The following CRTC3 variants were observed in gnomAD, a reference collection of about 807,000 sequenced individuals.
The protein encoded by CRTC3 is CREB regulated transcription coactivator 3.
CRTC3 carries 26 observed loss-of-function variants against 74.5 expected under a neutral mutation model. The observed-to-expected ratio is 0.35, with a 90% CI of 0.26 to 0.48. CRTC3 has a LOEUF of 0.48. Ranked by LOEUF, CRTC3 falls within the 20% of genes least tolerant of loss-of-function variation. The pLI, the probability that CRTC3 is intolerant of heterozygous loss-of-function variation, is 0.99. For missense variants in CRTC3, 760 were observed against 787.3 expected (o/e 0.97, Z 0.41); for synonymous variants, 377 against 325.8 (o/e 1.16, Z -1.69).
At chr15:90,640,710 A>T (rs1318956816) in intron 13 of CRTC3, among the ~76,000 whole-genome samples, 1 of 151,914 alleles carries the variant, frequency 6.6e-6, no homozygotes, top group Admixed American at 6.6e-5. Context: ...ACCAAGGAAG[A>T]AGAGTCCATA....
chr15:90,557,732 A>T (rs1966924142), intron 2 of CRTC3, among the ~76,000 whole-genome samples: 1 of 152,050 alleles, frequency 6.6e-6, no homozygotes, highest in Non-Finnish European at 1.5e-5. Flanking sequence ...ACCCATCTCT[A>T]GGACCCAGCC....
At chr15:90,588,453 C>T (rs181096911) in intron 2 of CRTC3, among the ~76,000 whole-genome samples, 119 of 151,652 alleles carry the variant, frequency 7.8e-4, no homozygotes, top group Admixed American at 1.6e-3. Context: ...TGTATCTTCT[C>T]CATCTGCAAC....
intron 11 of CRTC3, chr15:90,638,170 A>G: frequency 2.7e-6 from 1 of 370,004 alleles, no homozygotes; most frequent in Non-Finnish European, 4.7e-6. Context: ...CATGATTTTC[A>G]CGGAGAAAAC....
chr15:90,600,185 C>G (rs1418524665), intron 3 of CRTC3: 1 of 152,166 alleles, frequency 6.6e-6, no homozygotes, highest in Non-Finnish European at 1.5e-5. Flanking sequence ...GATAATGAGA[C>G]TTGTCAAAGA....
chr15:90,602,874 T>C (rs541459028), intron 4 of CRTC3, among the ~76,000 whole-genome samples: 24 of 151,824 alleles, frequency 1.6e-4, no homozygotes, highest in African/African-American at 5.6e-4. Context: ...CTTGGGAGGC[T>C]GAAGCAGGAG....
intron 2 of CRTC3, among the ~76,000 whole-genome samples, chr15:90,578,158 C>T (rs1014001668): frequency 1.3e-5 from 2 of 152,098 alleles, no homozygotes; most frequent in Admixed American, 6.5e-5. Context: ...CTCAGGTGAT[C>T]CACCTGCCTC....
Position 90,638,821 on chromosome 15 carries a change from TG to T in CRTC3, c.1548+7del, listed in dbSNP as rs1414651887. On this transcript the variant is annotated splice_region_variant and intron_variant, in intron 13 of 14. Transcript: ENST00000268184. Reference sequence around the variant, plus strand: ...GCCCTGCCTTTCCTCAACAGGTGGGTGATCGCCCCTGCCTTCTCCTCCCTTG... The same window carrying T: ...GCCCTGCCTTTCCTCAACAGGTGGGTATCGCCCCTGCCTTCTCCTCCCTTG... The T allele has an allele frequency of 6.2e-7, 1 of 1,611,548 alleles. No homozygotes were observed. Among genetic ancestry groups the T allele is most frequent in the Non-Finnish European group, 8.5e-7 (1 of 1,177,780 alleles).
At chr15:90,578,376 G>A (rs902232012) in intron 2 of CRTC3, among the ~76,000 whole-genome samples, 7 of 151,900 alleles carry the variant, frequency 4.6e-5, no homozygotes, top group African/African-American at 1.5e-4. Flanking sequence ...GCAAAACCCC[G>A]TCTCTACTAA....
intron 13 of CRTC3, among the ~76,000 whole-genome samples, chr15:90,639,322 G>GT (rs1429865730): frequency 3.3e-5 from 5 of 151,868 alleles, no homozygotes; most frequent in Admixed American, 3.3e-4. Context: ...TTACAGTTTA[G>GT]TTTTTTCCTA....
At chr15:90,532,634 G>GT (rs1473689502) in intron 1 of CRTC3, among the ~76,000 whole-genome samples, 1 of 152,176 alleles carries the variant, frequency 6.6e-6, no homozygotes, top group Non-Finnish European at 1.5e-5. Context: ...TCACCTAGGC[G>GT]TTACTTATCC....
intron 9 of CRTC3, 112 bp from the exon 10 acceptor site, chr15:90,625,664 C>T (rs573498222): frequency 2.2e-5 from 21 of 950,624 alleles, no homozygotes; most frequent in East Asian, 2.4e-5. Flanking sequence ...ACCAGGACCT[C>T]GGTCTTTTGT....
At position 90,612,026 on chromosome 15, in the gene CRTC3, ACTCCTC is replaced by A. The variant is rs59213374; in HGVS notation, c.578-2401_578-2396del. 7.3e-3 allele frequency among the ~76,000 whole-genome samples: 374 copies of A among 51,250 alleles called. 2 individuals carry two copies. The highest frequency in any genetic ancestry group is 0.026 in the African/African-American group (310 of 11,990). 33.6% of individuals were successfully genotyped at this position (51,250 alleles called of 152,430 possible). A position where few individuals can be genotyped will look rare whatever the true frequency, so the allele number is the denominator to read the frequency against. ...TCTTATCCTTCCCCAACCACCCCCCACTCCTCCTCCTCCTCCTCCTCCTCCTCCTCC... is the reference window on the plus strand; with the variant it reads ...TCTTATCCTTCCCCAACCACCCCCCACTCCTCCTCCTCCTCCTCCTCCTCC... On this transcript the variant is annotated intron_variant, in intron 6 of 14. Coordinates refer to ENST00000268184, the MANE Select transcript of CRTC3 (RefSeq NM_022769.5).
chr15:90,567,966 C>T (rs1325576337), intron 2 of CRTC3, among the ~76,000 whole-genome samples: 1 of 152,224 alleles, frequency 6.6e-6, no homozygotes, highest in African/African-American at 2.4e-5. Context: ...AAAGGGTTCA[C>T]TCTTTTAGAT....
At chr15:90,531,550 T>G (rs1254452246) in intron 1 of CRTC3, among the ~76,000 whole-genome samples, 3 of 152,138 alleles carry the variant, frequency 2.0e-5, no homozygotes, top group African/African-American at 7.2e-5. Context: ...AAAAAATATA[T>G]ATATAGAGAG....
chr15:90,644,451 C>G lies in CRTC3; in HGVS notation c.*2311C>G, dbSNP rs1969557683. ...ATATCCGGGTCCCAGTTCAGTTTGT[C>G]TGCACAGCAGCCACCCTGCCTGGCA... On this transcript the variant is annotated 3_prime_UTR_variant, in exon 15 of 15. Coordinates refer to ENST00000268184, the MANE Select transcript of CRTC3 (RefSeq NM_022769.5). 3 of 232,034 alleles carry G rather than the reference C, an allele frequency of 1.3e-5. No individual in the cohort carries two copies. In the Admixed American group the frequency reaches 1.7e-4, roughly 13 times the overall value. The allele number at this position is 232,034 out of a possible 1,614,324, so 14.4% of individuals were successfully genotyped here. A position where few individuals can be genotyped will look rare whatever the true frequency, so the allele number is the denominator to read the frequency against.
intron 2 of CRTC3, among the ~76,000 whole-genome samples, chr15:90,569,073 G>A (rs1419702219): frequency 6.6e-6 from 1 of 151,092 alleles, no homozygotes; most frequent in Non-Finnish European, 1.5e-5. Flanking sequence ...GCTCACTGTA[G>A]CCTTGAACTC....
At chr15:90,620,256 C>T (rs1341696482) in intron 9 of CRTC3, 1 of 154,484 alleles carries the variant, frequency 6.5e-6, no homozygotes, top group African/African-American at 2.4e-5. Flanking sequence ...CTGAACTGTA[C>T]ACACAGAAAT....
chr15:90,532,883 G>A (rs1353677749), intron 1 of CRTC3, among the ~76,000 whole-genome samples: 1 of 151,102 alleles, frequency 6.6e-6, no homozygotes, highest in Non-Finnish European at 1.5e-5. Context: ...TCAAGAGATC[G>A]AGACCATCCT....
chr15:90,554,450 G>A (rs1175583635), intron 2 of CRTC3, among the ~76,000 whole-genome samples: 2 of 152,054 alleles, frequency 1.3e-5, no homozygotes, highest in East Asian at 1.9e-4. Flanking sequence ...TAATCCTCCC[G>A]CCTCGGCCTC....
Sources: gnomAD v4.1 joint callset for allele counts (sites outside exome capture counted in the v4.1 genomes callset) on GRCh38, gnomAD v4.1.1 for gene constraint, MANE v1.5 for transcripts, NCBI Gene and HGNC (gene_info 2026-07-23, HGNC 2026-07-21) for gene names.